The following TMEM212 variants were observed in gnomAD, a reference collection of about 807,000 sequenced individuals.
TMEM212 encodes the protein transmembrane protein 212.
In TMEM212, 23 loss-of-function variants were observed where a neutral mutation model predicts 20.5. The observed-to-expected ratio is 1.12, with a 90% CI of 0.81 to 1.59. The LOEUF is 1.59. Among genes scored for constraint, TMEM212 ranks in the 40% most tolerant of loss-of-function variants. The pLI is 0.00. For missense variants in TMEM212, 211 were observed against 215.0 expected, an observed-to-expected ratio of 0.98 and a Z score of 0.12; for synonymous variants, 76 against 81.6, an observed-to-expected ratio of 0.93 and a Z score of 0.37.
chr3:171,856,078 T>C (rs906937144), intron 3 of TMEM212, among the ~76,000 whole-genome samples: 2 of 151,906 alleles, frequency 1.3e-5, no homozygotes, highest in African/African-American at 2.4e-5. Flanking sequence ...CCAAAAAAAA[T>C]AGTCAATATG....
intron 3 of TMEM212, among the ~76,000 whole-genome samples, chr3:171,854,133 C>T (rs995462465): frequency 6.6e-6 from 1 of 152,024 alleles, no homozygotes; most frequent in South Asian, 2.1e-4. Flanking sequence ...ACAAGGGTGC[C>T]CACTCTCATT....
At position 171,858,574 on chromosome 3, in the gene TMEM212, T is replaced by C. The variant is rs1725170383; in HGVS notation, c.*517T>C. 6.6e-6 allele frequency: 1 copy of C among 151,890 alleles called. No individual in the cohort carries two copies. The highest frequency in any genetic ancestry group is 1.5e-5 in the Non-Finnish European group (1 of 67,966). The allele number at this position is 151,890 out of a possible 1,614,324, so 9.4% of individuals were successfully genotyped here. ...AACAAAAGCCAAAATAGACAAATCGTATCTAATTAAACTAAAGGGCTTCTG... is the reference window on the plus strand; with the variant it reads ...AACAAAAGCCAAAATAGACAAATCGCATCTAATTAAACTAAAGGGCTTCTG... On this transcript the variant is annotated 3_prime_UTR_variant, in exon 5 of 5. Coordinates refer to ENST00000334567, the MANE Select transcript of TMEM212 (RefSeq NM_001164436.2).
intron 1 of TMEM212, among the ~76,000 whole-genome samples, chr3:171,849,091 C>T (rs1253311879): frequency 6.6e-6 from 1 of 152,058 alleles, no homozygotes; most frequent in African/African-American, 2.4e-5. Context: ...AACTGGCCCT[C>T]CTTTCAGTGT....
At chr3:171,847,842 A>AG (rs144294562) in intron 1 of TMEM212, among the ~76,000 whole-genome samples, 8 of 151,692 alleles carry the variant, frequency 5.3e-5, no homozygotes, top group Non-Finnish European at 7.4e-5. Flanking sequence ...TATTGAGACT[A>AG]GGGGGGGTTC....
At chr3:171,851,960 T>C in intron 1 of TMEM212, 22 bp from the exon 2 acceptor site, 1 of 1,536,130 alleles carries the variant, frequency 6.5e-7, no homozygotes, top group Non-Finnish European at 8.7e-7. Context: ...TGGATGTTTA[T>C]TTTTCCATTT....
At chr3:171,853,920 G>A in intron 3 of TMEM212, 70 bp downstream of exon 3, 1 of 1,199,268 alleles carries the variant, frequency 8.3e-7, no homozygotes, top group Non-Finnish European at 1.2e-6. Context: ...TCTGGTATGT[G>A]AACAGTTGAT....
chr3:171,855,788 A>G (rs1427650903), intron 3 of TMEM212, among the ~76,000 whole-genome samples: 1 of 152,344 alleles, frequency 6.6e-6, no homozygotes, highest in East Asian at 1.9e-4. Flanking sequence ...CTCTCCAGTA[A>G]TTTAAAATCT....
At chr3:171,854,168 A>T (rs567431335) in intron 3 of TMEM212, among the ~76,000 whole-genome samples, 106 of 152,300 alleles carry the variant, frequency 7.0e-4, no homozygotes, top group African/African-American at 2.4e-3. Context: ...TAGTACTGGA[A>T]GTTCTAGCCA....
At position 171,851,981 on chromosome 3, in the gene TMEM212, G is replaced by A; in HGVS notation, c.160-1G>A. Reference sequence around the variant, plus strand: ...TTTATTTTTCCATTTTCTTGTCACAGGCCATCACAACTGGTGTGCTTCTAC... The same window carrying A: ...TTTATTTTTCCATTTTCTTGTCACAAGCCATCACAACTGGTGTGCTTCTAC... On this transcript the variant is annotated splice_acceptor_variant, in intron 1 of 4. Coordinates refer to ENST00000334567, the MANE Select transcript of TMEM212 (RefSeq NM_001164436.2). LOFTEE classifies it high-confidence loss of function. The A allele has an allele frequency of 6.5e-7, 1 of 1,536,866 alleles. No individual in the cohort carries two copies. Among genetic ancestry groups the A allele is most frequent in the Non-Finnish European group, 8.7e-7 (1 of 1,146,642 alleles).
rs1182283775 is a variant in TMEM212 at position 171,843,530 on chromosome 3, G to A, written c.147G>A (p.Trp49Ter). The change falls in exon 1 of 5, where the codon TGG becomes TGA. Residue 49 changes from tryptophan to a stop codon, truncating the protein, a stop_gained. Coordinates refer to ENST00000334567, the MANE Select transcript of TMEM212 (RefSeq NM_001164436.2). LOFTEE classifies it high-confidence loss of function. The stretch of plus-strand genomic sequence containing the variant: ...GTGTTCGAATTGCTTGTCCTATCTG[G>A]AATGGAGCTTTGGTATGAAAATAGT... ...GWSVRIACPIWNGALAITTGV... is the reference protein window; with the variant it reads ...GWSVRIACPI 6.5e-7 allele frequency: 1 copy of A among 1,533,034 alleles called. No homozygotes were observed. The highest frequency in any genetic ancestry group is 8.7e-7 in the Non-Finnish European group (1 of 1,145,064). 95.0% of individuals were successfully genotyped at this position (1,533,034 alleles called of 1,614,324 possible). A position where few individuals can be genotyped will look rare whatever the true frequency, so the allele number is the denominator to read the frequency against.
At position 171,844,607 on chromosome 3, in the gene TMEM212, G is replaced by A. The variant is rs188276426; in HGVS notation, c.159+1065G>A. Reference sequence around the variant, plus strand: ...TGTAATCCCAGCTACTCAGGAGACTGAGGCAGGAGAATCACATGAACCTGG... The same window carrying A: ...TGTAATCCCAGCTACTCAGGAGACTAAGGCAGGAGAATCACATGAACCTGG... On this transcript the variant is annotated intron_variant, in intron 1 of 4. Coordinates refer to ENST00000334567, the MANE Select transcript of TMEM212 (RefSeq NM_001164436.2). Among the ~76,000 whole-genome samples the A allele has an allele frequency of 2.4e-3, 368 of 152,230 alleles. 2 individuals are homozygous for A. The highest frequency in any genetic ancestry group is 8.6e-3 in the African/African-American group (356 of 41,534).
In TMEM212 at chr3:171,856,665, G is replaced by GC; in HGVS notation, c.547dup (p.Gln183ProfsTer48). ...GCTGTCTCTCATATGTCTTACAGATGCAACTCCCTGCTGGGAACCCAAACC... is the reference window on the plus strand; with the variant it reads ...GCTGTCTCTCATATGTCTTACAGATGCCAACTCCCTGCTGGGAACCCAAACC... On this transcript the variant is annotated frameshift_variant, in exon 4 of 5. Transcript: ENST00000334567. LOFTEE classifies it high-confidence loss of function. The GC allele has an allele frequency of 1.5e-6, 1 of 688,922 alleles. No individual in the cohort carries two copies. Among genetic ancestry groups the GC allele is most frequent in the Admixed American group, 2.0e-5 (1 of 48,814 alleles). The allele number at this position is 688,922 out of a possible 1,614,324, so 42.7% of individuals were successfully genotyped here.
chr3:171,853,528 G>T lies in TMEM212; in HGVS notation c.221G>T (p.Gly74Val). The part of the protein sequence containing the change: ...AYREWTQRYL[G>V]EATFTFVILS... ...AATTTATTTTTGCTTTATTTTCAGGGGGAAGCTACTTTCACCTTTGTGATT... is the reference window on the plus strand; with the variant it reads ...AATTTATTTTTGCTTTATTTTCAGGTGGAAGCTACTTTCACCTTTGTGATT... Residue 74 changes from glycine to valine, a missense_variant and splice_region_variant, in exon 3 of 5, where the codon GGG becomes GTG. Coordinates refer to ENST00000334567, the MANE Select transcript of TMEM212 (RefSeq NM_001164436.2). 1.3e-6 allele frequency: 2 copies of T among 1,532,250 alleles called. No individual in the cohort carries two copies. The highest frequency in any genetic ancestry group is 1.7e-6 in the Non-Finnish European group (2 of 1,143,812). The allele number at this position is 1,532,250 out of a possible 1,614,324, so 94.9% of individuals were successfully genotyped here. A position where few individuals can be genotyped will look rare whatever the true frequency, so the allele number is the denominator to read the frequency against.
At chr3:171,847,250 G>A (rs1724853500) in intron 1 of TMEM212, among the ~76,000 whole-genome samples, 3 of 152,200 alleles carry the variant, frequency 2.0e-5, no homozygotes, top group South Asian at 4.1e-4. Context: ...AAAGACTGGA[G>A]TGCAATGAGT....
chr3:171,850,324 T>C (rs927234113), intron 1 of TMEM212, among the ~76,000 whole-genome samples: 5 of 152,218 alleles, frequency 3.3e-5, no homozygotes, highest in African/African-American at 1.2e-4. Flanking sequence ...CAAAGTTTTA[T>C]GTAAACAAAG....
intron 4 of TMEM212, 50 bp downstream of exon 4, chr3:171,856,757 C>T (rs1725127862): frequency 1.7e-6 from 1 of 600,048 alleles, no homozygotes; most frequent in African/African-American, 1.9e-5. Flanking sequence ...TATAAAAGCA[C>T]ACAGATTAAT....
chr3:171,857,802 A>G (rs1484402906), intron 4 of TMEM212, among the ~76,000 whole-genome samples: 2 of 152,326 alleles, frequency 1.3e-5, no homozygotes, highest in East Asian at 1.9e-4. Context: ...GCTCTTTAAC[A>G]TTACAAATTA....
chr3:171,843,404 T>G lies in TMEM212; in HGVS notation c.21T>G (p.Ala7=), dbSNP rs1179252061. 2 of 1,536,658 alleles carry G rather than the reference T, an allele frequency of 1.3e-6. No individual in the cohort carries two copies. The highest frequency in any genetic ancestry group is 4.9e-5 in the East Asian group (2 of 40,902). Residue 7 remains alanine, a synonymous_variant, in exon 1 of 5, where the codon GCT becomes GCG. Coordinates refer to ENST00000334567, the MANE Select transcript of TMEM212 (RefSeq NM_001164436.2). Reference sequence around the variant, plus strand: ...GGAAAATGAAGGGCCTCTACCAGGCTGCTGGCCGGATTCTTGTTACTCTGG... The same window carrying G: ...GGAAAATGAAGGGCCTCTACCAGGCGGCTGGCCGGATTCTTGTTACTCTGG... MKGLYQ[A]AGRILVTLGI...
intron 2 of TMEM212, among the ~76,000 whole-genome samples, chr3:171,852,617 A>G (rs1725003113): frequency 1.3e-5 from 2 of 152,226 alleles, no homozygotes; most frequent in South Asian, 4.1e-4. Context: ...TTTTGAAGAA[A>G]TGGATCTATA....
Sources: gnomAD v4.1 joint callset for allele counts (sites outside exome capture counted in the v4.1 genomes callset) on GRCh38, gnomAD v4.1.1 for gene constraint, MANE v1.5 for transcripts, NCBI Gene and HGNC (gene_info 2026-07-23, HGNC 2026-07-21) for gene names.